The following NAV2 variants were observed in gnomAD, a reference collection of about 807,000 sequenced individuals.
NAV2 encodes the protein helicase, APC down-regulated 1.
NAV2 carries 54 observed loss-of-function variants against 223.2 expected under a neutral mutation model. That is an observed-to-expected ratio of 0.24 (90% confidence interval 0.19 to 0.30). The LOEUF (loss-of-function observed/expected upper bound fraction) is 0.30, where lower values mean the gene tolerates loss of function less well. NAV2 is among the 10% of genes least tolerant of loss of function. The probability of loss-of-function intolerance (pLI) is 1.00; values close to 1 mark genes in which losing one functional copy is unlikely to be tolerated. For missense variants in NAV2, 2,806 were observed against 3,147.5 expected (o/e 0.89, Z 2.60); for synonymous variants, 1,279 against 1,239.3 (o/e 1.03, Z -0.67).
chr11:19,756,620 A>C (rs1306923446), intron 1 of NAV2, among the ~76,000 whole-genome samples: 1 of 152,256 alleles, frequency 6.6e-6, no homozygotes, highest in Non-Finnish European at 1.5e-5. Flanking sequence ...GTCCATCAGC[A>C]GATGAGTGTT....
Position 19,499,179 on chromosome 11 carries a change from A to C in NAV2, c.75+148152A>C, listed in dbSNP as rs530385275. Reference sequence around the variant, plus strand: ...TGGGCTGATTTACCCTGAAATTCTAACCTCATCTAATTGGCCTAAATGGCG... The same window carrying C: ...TGGGCTGATTTACCCTGAAATTCTACCCTCATCTAATTGGCCTAAATGGCG... On this transcript the variant is annotated intron_variant, in intron 1 of 37. Coordinates refer to the NAV2 transcript ENST00000360655. 5.9e-5 allele frequency among the ~76,000 whole-genome samples: 9 copies of C among 152,280 alleles called. No homozygotes were observed. In the South Asian group the frequency reaches 8.3e-4, roughly 14 times the overall value.
At chr11:19,479,195 C>A (rs1462521480) in intron 1 of NAV2, among the ~76,000 whole-genome samples, 1 of 152,084 alleles carries the variant, frequency 6.6e-6, no homozygotes, top group Non-Finnish European at 1.5e-5. Context: ...AAGATGAACT[C>A]TGATGGGAAA....
chr11:19,791,342 C>A (rs2057503488), intron 1 of NAV2, among the ~76,000 whole-genome samples: 1 of 152,176 alleles, frequency 6.6e-6, no homozygotes, highest in Non-Finnish European at 1.5e-5. Context: ...CTTCCCTATC[C>A]AGCCCGCCCC....
chr11:19,716,985 G>A (rs1000716192), intron 1 of NAV2, among the ~76,000 whole-genome samples: 2 of 152,112 alleles, frequency 1.3e-5, no homozygotes, highest in African/African-American at 4.8e-5. Flanking sequence ...ATTAGAACTC[G>A]GGCAGTCTGG....
intron 1 of NAV2, among the ~76,000 whole-genome samples, chr11:19,645,432 C>T (rs1462889365): frequency 1.3e-5 from 2 of 152,176 alleles, no homozygotes; most frequent in African/African-American, 4.8e-5. Context: ...ATAACATTTT[C>T]ACAGATTTAT....
At chr11:19,635,351 A>G (rs760496475) in intron 1 of NAV2, among the ~76,000 whole-genome samples, 43 of 152,212 alleles carry the variant, frequency 2.8e-4, no homozygotes, top group Non-Finnish European at 5.0e-4. Flanking sequence ...TGCAGTGTGG[A>G]CGACAGATTA....
intron 19 of NAV2, 66 bp from the exon 20 acceptor site, chr11:20,062,241 C>G (rs1415400392): frequency 4.2e-6 from 5 of 1,183,344 alleles, no homozygotes; most frequent in Non-Finnish European, 6.2e-6. Context: ...ATGTTCTCCT[C>G]CCCTGTCCCC....
At chr11:19,490,670 C>T (rs2042595047) in intron 1 of NAV2, among the ~76,000 whole-genome samples, 1 of 152,200 alleles carries the variant, frequency 6.6e-6, no homozygotes, top group Admixed American at 6.5e-5. Flanking sequence ...CTCTCAAAGC[C>T]ATCCATGAAG....
At chr11:20,039,317 GT>G (rs1430898766) in intron 12 of NAV2, among the ~76,000 whole-genome samples, 2 of 152,200 alleles carry the variant, frequency 1.3e-5, no homozygotes, top group Non-Finnish European at 2.9e-5. Flanking sequence ...GAGTGTGAAA[GT>G]AACAGGGAAA....
At chr11:19,557,923 C>T (rs1334041861) in intron 1 of NAV2, among the ~76,000 whole-genome samples, 2 of 152,152 alleles carry the variant, frequency 1.3e-5, no homozygotes, top group African/African-American at 2.4e-5. Context: ...CATGTGAGTC[C>T]ATGTGGAGCC....
At chr11:19,881,357 T>G (rs1226056787) in intron 5 of NAV2, among the ~76,000 whole-genome samples, 1 of 152,162 alleles carries the variant, frequency 6.6e-6, no homozygotes, top group Admixed American at 6.5e-5. Context: ...TGCCAAACCC[T>G]TTCCCTGGAG....
chr11:19,745,365 C>T (rs1285564353), intron 1 of NAV2, among the ~76,000 whole-genome samples: 3 of 152,216 alleles, frequency 2.0e-5, no homozygotes, highest in East Asian at 3.9e-4. Context: ...GTTTAAAAAA[C>T]AAATTACAAC....
intron 18 of NAV2, 143 bp downstream of exon 18, chr11:20,054,383 T>A (rs2058229862): frequency 1.3e-6 from 1 of 758,250 alleles, no homozygotes; most frequent in East Asian, 3.0e-5. Context: ...TGGTGATTTC[T>A]GAGATTTTGG....
chr11:19,834,328 C>T (rs1208096940), intron 2 of NAV2, among the ~76,000 whole-genome samples: 3 of 152,202 alleles, frequency 2.0e-5, no homozygotes, highest in Non-Finnish European at 4.4e-5. Context: ...TGTCACCTGA[C>T]TAGTCTCCAT....
intron 1 of NAV2, among the ~76,000 whole-genome samples, chr11:19,692,616 C>A (rs1340671286): frequency 1.3e-5 from 2 of 152,180 alleles, no homozygotes; most frequent in African/African-American, 4.8e-5. Flanking sequence ...ATCTAATGAG[C>A]AAAATCAAAT....
At chr11:19,906,372 C>T (rs1793885202) in intron 6 of NAV2, among the ~76,000 whole-genome samples, 1 of 152,204 alleles carries the variant, frequency 6.6e-6, no homozygotes, top group Non-Finnish European at 1.5e-5. Context: ...ACAGATTCCA[C>T]CTACTGAAGG....
chr11:20,061,385 C>T (rs1175228174), intron 19 of NAV2, among the ~76,000 whole-genome samples: 8 of 126,972 alleles, frequency 6.3e-5, no homozygotes, highest in South Asian at 2.5e-4. Context: ...GCCTGACTAA[C>T]GTGGAGAAAC....
rs149945228 is a variant in NAV2, at chr11:19,937,253, T to C, written c.2034-2408T>C. Among the ~76,000 whole-genome samples the C allele has an allele frequency of 2.9e-3, 449 of 152,244 alleles. 13 individuals carry two copies. The South Asian group carries it at 0.063, about 21-fold the overall frequency. On this transcript the variant is annotated intron_variant, in intron 7 of 37. Coordinates refer to ENST00000349880, the MANE Select transcript of NAV2 (RefSeq NM_145117.5). ...GTCTTCATCTGGAAAATGAGAAGAT[T>C]GGATTAGATTAGATTCTATAAAATG...
In NAV2 at chr11:19,954,968, TAC is replaced by T. The variant is rs1463433063; in HGVS notation, c.2645+5894_2645+5895del. Among the ~76,000 whole-genome samples the T allele has an allele frequency of 2.2e-3, 111 of 49,868 alleles. 1 individual carries two copies. Among genetic ancestry groups the T allele is most frequent in the African/African-American group, 7.9e-3 (106 of 13,406 alleles). The allele number at this position is 49,868 out of a possible 152,430, so 32.7% of individuals were successfully genotyped here. A position where few individuals can be genotyped will look rare whatever the true frequency, so the allele number is the denominator to read the frequency against. On this transcript the variant is annotated intron_variant, in intron 10 of 37. Coordinates refer to ENST00000349880, the MANE Select transcript of NAV2 (RefSeq NM_145117.5). ...ACATATATACATATATATATACATATACACACATATATATATATATGGGATAG... is the reference window on the plus strand; with the variant it reads ...ACATATATACATATATATATACATATACACATATATATATATATGGGATAG...
Sources: gnomAD v4.1 joint callset for allele counts (sites outside exome capture counted in the v4.1 genomes callset) on GRCh38, gnomAD v4.1.1 for gene constraint, MANE v1.5 for transcripts, NCBI Gene and HGNC (gene_info 2026-07-23, HGNC 2026-07-21) for gene names.